The following SMG6 variants were observed in gnomAD, a reference collection of about 807,000 sequenced individuals.
The protein encoded by SMG6 is SMG6 nonsense mediated mRNA decay factor.
In SMG6, 66 loss-of-function variants were observed where a neutral mutation model predicts 142.2. The ratio of observed to expected loss-of-function variants is 0.46; its 90% CI spans 0.38 to 0.57. The LOEUF is 0.57. Ranked by LOEUF, SMG6 falls within the 20% of genes least tolerant of loss-of-function variation. SMG6 has a pLI of 0.00. For synonymous variants in SMG6, 779 were observed against 702.4 expected, an observed-to-expected ratio of 1.11 and a Z score of -1.72; for missense variants, 1,793 against 1,832.0, an observed-to-expected ratio of 0.98 and a Z score of 0.39.
chr17:2,260,328 C>A (rs1304631752), intron 8 of SMG6, among the ~76,000 whole-genome samples: 1 of 152,164 alleles, frequency 6.6e-6, no homozygotes, highest in East Asian at 1.9e-4. Flanking sequence ...CACTTTCCCC[C>A]CCCACAGCCA....
At chr17:2,093,694 T>G (rs2068784737) in intron 13 of SMG6, among the ~76,000 whole-genome samples, 1 of 152,198 alleles carries the variant, frequency 6.6e-6, no homozygotes, top group South Asian at 2.1e-4. Context: ...AAAAAAATTT[T>G]TTTTAAATTT....
At chr17:2,175,149 C>T (rs1369906758) in intron 12 of SMG6, among the ~76,000 whole-genome samples, 1 of 152,246 alleles carries the variant, frequency 6.6e-6, no homozygotes, top group Non-Finnish European at 1.5e-5. Context: ...CTGCCTGAGT[C>T]TGATCCCACA....
chr17:2,133,162 G>A (rs1013285030), intron 13 of SMG6, among the ~76,000 whole-genome samples: 2 of 152,036 alleles, frequency 1.3e-5, no homozygotes, highest in East Asian at 1.9e-4. Flanking sequence ...GGAGAATCAC[G>A]TGAACCCGGG....
intron 10 of SMG6, among the ~76,000 whole-genome samples, chr17:2,208,551 T>C (rs2072757046): frequency 6.6e-6 from 1 of 152,212 alleles, no homozygotes. Context: ...GTACTTCACA[T>C]GGTGCTGAAC....
At chr17:2,129,570 G>T (rs989859089) in intron 13 of SMG6, among the ~76,000 whole-genome samples, 1 of 151,980 alleles carries the variant, frequency 6.6e-6, no homozygotes, top group Non-Finnish European at 1.5e-5. Context: ...GAGACAGGCA[G>T]ACCACTTGAG....
At chr17:2,248,569 T>G (rs1385174718) in intron 8 of SMG6, among the ~76,000 whole-genome samples, 1 of 152,170 alleles carries the variant, frequency 6.6e-6, no homozygotes, top group Non-Finnish European at 1.5e-5. Flanking sequence ...CTGCAAAAAG[T>G]CGATTTCAAT....
chr17:2,122,430 TTAAG>T (rs2069731247), intron 13 of SMG6: 1 of 152,218 alleles, frequency 6.6e-6, no homozygotes. Flanking sequence ...TCATTAGCTA[TTAAG>T]GAAAACACAG....
chr17:2,250,147 G>A (rs2074014846), intron 8 of SMG6, among the ~76,000 whole-genome samples: 1 of 152,166 alleles, frequency 6.6e-6, no homozygotes, highest in South Asian at 2.1e-4. Flanking sequence ...GAAGGAGAGA[G>A]AAGCTGCTCA....
At chr17:2,170,914 C>T (rs1192815490) in intron 13 of SMG6, among the ~76,000 whole-genome samples, 1 of 152,052 alleles carries the variant, frequency 6.6e-6, no homozygotes, top group East Asian at 1.9e-4. Flanking sequence ...TAAAAGAATT[C>T]TGGGTAACTA....
intron 10 of SMG6, among the ~76,000 whole-genome samples, chr17:2,197,735 A>C (rs1286620965): frequency 6.6e-6 from 1 of 152,242 alleles, no homozygotes; most frequent in African/African-American, 2.4e-5. Context: ...AAAGATGTTC[A>C]ATATAATTAG....
chr17:2,301,918 C>T (rs192525997), intron 1 of SMG6, among the ~76,000 whole-genome samples: 2 of 152,138 alleles, frequency 1.3e-5, no homozygotes, highest in South Asian at 4.1e-4. Flanking sequence ...TGACAGAATT[C>T]GGGAGAATAT....
intron 13 of SMG6, among the ~76,000 whole-genome samples, chr17:2,165,052 C>G (rs1337024728): frequency 6.6e-6 from 1 of 152,162 alleles, no homozygotes; most frequent in Admixed American, 6.5e-5. Context: ...GGGGGTGTTA[C>G]TTTGCCTACC....
intron 8 of SMG6, among the ~76,000 whole-genome samples, chr17:2,263,622 T>A (rs2074362954): frequency 6.6e-6 from 1 of 152,158 alleles, no homozygotes; most frequent in Non-Finnish European, 1.5e-5. Flanking sequence ...ACAGATAGTA[T>A]TTTAAATTCT....
In SMG6 at chr17:2,188,524, A is replaced by G; in HGVS notation, c.2870-9T>C. On this transcript the variant is annotated splice_polypyrimidine_tract_variant and intron_variant, in intron 10 of 18. Coordinates refer to ENST00000263073, the MANE Select transcript of SMG6 (RefSeq NM_017575.5). ...CTCCTCCGAGAAGCAGTCTGCGGACAGGCAAATGAAACTCTCAGCGCCCCA... is the reference window on the plus strand; with the variant it reads ...CTCCTCCGAGAAGCAGTCTGCGGACGGGCAAATGAAACTCTCAGCGCCCCA... The G allele has an allele frequency of 6.2e-6, 10 of 1,611,952 alleles. No individual in the cohort carries two copies. The highest frequency in any genetic ancestry group is 1.1e-5 in the South Asian group (1 of 91,024).
chr17:2,068,166 C>T lies in SMG6; in HGVS notation c.3835+612G>A, dbSNP rs1256911722. 6.6e-6 allele frequency among the ~76,000 whole-genome samples: 1 copy of T among 152,168 alleles called. No homozygotes were observed. The highest frequency in any genetic ancestry group is 1.5e-5 in the Non-Finnish European group (1 of 68,022). ...TCTGGCTAGAGGGTGGGAAAGCAAGCTAGCTGGGTCCTGAGATGCTGACCC... is the reference window on the plus strand; with the variant it reads ...TCTGGCTAGAGGGTGGGAAAGCAAGTTAGCTGGGTCCTGAGATGCTGACCC... On this transcript the variant is annotated intron_variant, in intron 16 of 18. Coordinates refer to ENST00000263073, the MANE Select transcript of SMG6 (RefSeq NM_017575.5). The surrounding 1 kb of genome is among the most constrained non-coding windows in gnomAD (Gnocchi z 6.7).
chr17:2,121,267 T>C (rs116099576), intron 13 of SMG6, among the ~76,000 whole-genome samples: 1,550 of 151,208 alleles, frequency 0.01, 31 homozygotes, highest in African/African-American at 0.035. Flanking sequence ...GTCAACCAGA[T>C]AAACTGTGAC....
chr17:2,269,219 C>CAAA (rs746635212), intron 8 of SMG6, among the ~76,000 whole-genome samples: 1 of 82,628 alleles, frequency 1.2e-5, no homozygotes, highest in Non-Finnish European at 2.3e-5. Context: ...GACTCCATCT[C>CAAA]AAAAAAAAAA....
At chr17:2,244,386 A>T (rs1044542583) in intron 9 of SMG6, among the ~76,000 whole-genome samples, 7 of 152,088 alleles carry the variant, frequency 4.6e-5, no homozygotes, top group Non-Finnish European at 7.4e-5. Flanking sequence ...AGAAACCCAG[A>T]GGGACTGGGG....
intron 1 of SMG6, chr17:2,303,030 G>C (rs1396125674): frequency 2.0e-6 from 2 of 985,314 alleles, no homozygotes; most frequent in Non-Finnish European, 2.4e-6. Context: ...GACGTGGCTG[G>C]AGACTTGAAA....
Sources: allele counts gnomAD v4.1 joint callset (sites outside exome capture counted in the v4.1 genomes callset), GRCh38; gene constraint gnomAD v4.1.1; non-coding constraint Gnocchi (gnomAD v3.1); transcripts MANE v1.5; gene names NCBI Gene and HGNC (gene_info 2026-07-23, HGNC 2026-07-21).